The following CAMKMT variants were observed in gnomAD, a reference collection of about 807,000 sequenced individuals.
CAMKMT encodes CaM KMT.
CAMKMT carries 53 observed loss-of-function variants against 48.0 expected under a neutral mutation model. That is an observed-to-expected ratio of 1.10 (90% confidence interval 0.89 to 1.39). CAMKMT has a LOEUF of 1.39. CAMKMT is among the 40% of genes most tolerant of loss of function. The pLI, the probability that CAMKMT is intolerant of heterozygous loss-of-function variation, is 0.00. For missense variants in CAMKMT, 428 were observed against 402.7 expected, an observed-to-expected ratio of 1.06 and a Z score of -0.54; for synonymous variants, 165 against 152.3, an observed-to-expected ratio of 1.08 and a Z score of -0.61.
intron 3 of CAMKMT, among the ~76,000 whole-genome samples, chr2:44,607,451 A>T (rs1478966350): frequency 1.3e-5 from 2 of 152,230 alleles, no homozygotes; most frequent in East Asian, 3.8e-4. Context: ...TTGCTCTTGC[A>T]TGTGTCGCAT....
chr2:44,373,451 T>G (rs541844557), intron 2 of CAMKMT, among the ~76,000 whole-genome samples: 1 of 152,208 alleles, frequency 6.6e-6, no homozygotes, highest in Non-Finnish European at 1.5e-5. Context: ...GATACCATTT[T>G]ACTGAATTAA....
chr2:44,404,285 A>G (rs922500931), intron 3 of CAMKMT, among the ~76,000 whole-genome samples: 1 of 152,166 alleles, frequency 6.6e-6, no homozygotes, highest in African/African-American at 2.4e-5. Context: ...AAATTTCATT[A>G]CATGGCTTGT....
At chr2:44,478,811 C>T (rs966046115) in intron 3 of CAMKMT, among the ~76,000 whole-genome samples, 2 of 151,346 alleles carry the variant, frequency 1.3e-5, no homozygotes, top group African/African-American at 4.9e-5. Context: ...CCCCATTCTC[C>T]TGCCTCAGCC....
chr2:44,660,451 A>G (rs1674620696), intron 3 of CAMKMT, among the ~76,000 whole-genome samples: 1 of 152,240 alleles, frequency 6.6e-6, no homozygotes, highest in South Asian at 2.1e-4. Context: ...AAGAAATGGA[A>G]ATAATATTTT....
chr2:44,604,528 G>A (rs1442625892), intron 3 of CAMKMT, among the ~76,000 whole-genome samples: 1 of 149,506 alleles, frequency 6.7e-6, no homozygotes, highest in East Asian at 1.9e-4. Flanking sequence ...GAGGGTTGTG[G>A]GTATAAGCAA....
intron 8 of CAMKMT, among the ~76,000 whole-genome samples, chr2:44,753,415 A>AG (rs1177841580): frequency 6.6e-6 from 1 of 151,868 alleles, no homozygotes; most frequent in Non-Finnish European, 1.5e-5. Flanking sequence ...CAAAAAAAAA[A>AG]AAAGAAAGAA....
intron 3 of CAMKMT, among the ~76,000 whole-genome samples, chr2:44,447,326 G>A (rs1667056388): frequency 6.6e-6 from 1 of 152,088 alleles, no homozygotes; most frequent in South Asian, 2.1e-4. Context: ...ATGTAATTCT[G>A]TTATAATATC....
intron 3 of CAMKMT, among the ~76,000 whole-genome samples, chr2:44,432,826 T>TA (rs35216897): frequency 3.3e-4 from 48 of 147,666 alleles, no homozygotes; most frequent in East Asian, 2.8e-3. Context: ...TCATGTAAAT[T>TA]AAAAAAAAAA....
chr2:44,638,265 G>A (rs914691916), intron 3 of CAMKMT, among the ~76,000 whole-genome samples: 3 of 152,168 alleles, frequency 2.0e-5, no homozygotes, highest in African/African-American at 7.2e-5. Context: ...TGTTAAGAAA[G>A]TTAGACTATC....
intron 1 of CAMKMT, among the ~76,000 whole-genome samples, chr2:44,363,393 TG>T (rs1278636864): frequency 6.6e-6 from 1 of 152,014 alleles, no homozygotes; most frequent in Non-Finnish European, 1.5e-5. Context: ...CCTTTTTTTT[TG>T]AAATGGAGTT....
chr2:44,398,510 C>G (rs1001928501), intron 3 of CAMKMT, among the ~76,000 whole-genome samples: 5 of 150,874 alleles, frequency 3.3e-5, no homozygotes, highest in African/African-American at 9.7e-5. Context: ...TTTTAATAGT[C>G]TTAAACCAAA....
intron 3 of CAMKMT, among the ~76,000 whole-genome samples, chr2:44,441,906 T>C (rs1382681085): frequency 6.6e-6 from 1 of 152,214 alleles, no homozygotes; most frequent in Admixed American, 6.5e-5. Flanking sequence ...TTCTAAGGCT[T>C]AAGCTTTGTT....
In CAMKMT at chr2:44,516,645, A is replaced by G. The variant is rs763407876; in HGVS notation, c.376+126340A>G. ...TTAATTTTAATTATATGGCCTTTCA[A>G]TAAAAGTATTATATATGCTATTTTT... On this transcript the variant is annotated intron_variant, in intron 3 of 10. Coordinates refer to ENST00000378494, the MANE Select transcript of CAMKMT (RefSeq NM_024766.5). Among the ~76,000 whole-genome samples, 4 of 152,192 alleles carry G rather than the reference A, an allele frequency of 2.6e-5. No individual in the cohort carries two copies. The South Asian group carries it at 6.2e-4, about 24-fold the overall frequency.
chr2:44,560,142 A>C (rs1245608316), intron 3 of CAMKMT, among the ~76,000 whole-genome samples: 1 of 152,186 alleles, frequency 6.6e-6, no homozygotes, highest in Non-Finnish European at 1.5e-5. Flanking sequence ...AACACAACAC[A>C]CTGGGAGTTT....
At chr2:44,515,779 T>G (rs1558669808) in intron 3 of CAMKMT, among the ~76,000 whole-genome samples, 1 of 152,168 alleles carries the variant, frequency 6.6e-6, no homozygotes, top group African/African-American at 2.4e-5. Context: ...TAGCTCTGTC[T>G]TCTTCTTTGT....
At chr2:44,717,434 A>G (rs1327309609) in intron 7 of CAMKMT, among the ~76,000 whole-genome samples, 1 of 152,222 alleles carries the variant, frequency 6.6e-6, no homozygotes, top group Non-Finnish European at 1.5e-5. Context: ...AGAAATGGCC[A>G]GCCACTGATG....
At chr2:44,753,249 CAAAAAAAAAAAAAA>C (rs772390371) in intron 8 of CAMKMT, among the ~76,000 whole-genome samples, 1 of 65,458 alleles carries the variant, frequency 1.5e-5, no homozygotes, top group Non-Finnish European at 2.9e-5. Context: ...CCTGTCCCTA[CAAAAAAAAAAAAAA>C]AAAAAAAAAA....
In CAMKMT at chr2:44,748,669, G is replaced by T. The variant is rs1025375179; in HGVS notation, c.698+4973G>T. Reference sequence around the variant, plus strand: ...GGGCAGATCATGAGGTCAGGAGATCGAGACCATCCTGGCTAACACGGTGAA... The same window carrying T: ...GGGCAGATCATGAGGTCAGGAGATCTAGACCATCCTGGCTAACACGGTGAA... On this transcript the variant is annotated intron_variant, in intron 8 of 10. Coordinates refer to ENST00000378494, the MANE Select transcript of CAMKMT (RefSeq NM_024766.5). Among the ~76,000 whole-genome samples the T allele has an allele frequency of 2.0e-5, 3 of 151,940 alleles. 1 individual carries two copies. Among genetic ancestry groups the T allele is most frequent in the Admixed American group, 2.0e-4 (3 of 15,238 alleles).
At chr2:44,548,358 G>A (rs1667516136) in intron 3 of CAMKMT, among the ~76,000 whole-genome samples, 1 of 152,088 alleles carries the variant, frequency 6.6e-6, no homozygotes, top group Non-Finnish European at 1.5e-5. Context: ...AAGTGCTTTG[G>A]TTTGTACTGG....
Sources: gnomAD v4.1 joint callset for allele counts (sites outside exome capture counted in the v4.1 genomes callset) on GRCh38, gnomAD v4.1.1 for gene constraint, MANE v1.5 for transcripts, NCBI Gene and HGNC (gene_info 2026-07-23, HGNC 2026-07-21) for gene names.